Variants in C1orf94 observed in about 807,000 individuals in gnomAD.
The protein encoded by C1orf94 is uncharacterized protein C1orf94.
A neutral mutation model predicts 53.6 loss-of-function variants in C1orf94; 45 were observed. The observed-to-expected ratio is 0.84, with a 90% CI of 0.66 to 1.08. C1orf94 has a LOEUF of 1.08. Among genes scored for constraint, C1orf94 ranks in the 50% least tolerant of loss-of-function variants. The pLI is 0.00. For missense variants in C1orf94, 762 were observed against 738.9 expected, an observed-to-expected ratio of 1.03 and a Z score of -0.36; for synonymous variants, 304 against 296.1, an observed-to-expected ratio of 1.03 and a Z score of -0.27.
At chr1:34,217,251 T>C (rs1434708679) in intron 6 of C1orf94, among the ~76,000 whole-genome samples, 4 of 152,162 alleles carry the variant, frequency 2.6e-5, no homozygotes, top group Non-Finnish European at 5.9e-5. Context: ...CCTGGCCCTC[T>C]AGCGTACATA....
intron 1 of C1orf94, among the ~76,000 whole-genome samples, chr1:34,168,551 C>T (rs1208142569): frequency 1.3e-5 from 2 of 152,092 alleles, no homozygotes; most frequent in African/African-American, 4.8e-5. Context: ...AGGACTGCTG[C>T]CACAACAAAG....
At chr1:34,190,068 A>C (rs1642457927) in intron 1 of C1orf94, among the ~76,000 whole-genome samples, 1 of 152,196 alleles carries the variant, frequency 6.6e-6, no homozygotes, top group African/African-American at 2.4e-5. Context: ...GGTCAATTTG[A>C]GTACATCTTT....
chr1:34,194,113 G>T (rs561288500), intron 1 of C1orf94, among the ~76,000 whole-genome samples: 24 of 152,342 alleles, frequency 1.6e-4, no homozygotes, highest in African/African-American at 5.3e-4. Flanking sequence ...TTTCTTCATT[G>T]TTCTGGATGC....
At chr1:34,200,654 T>C in intron 2 of C1orf94, 118 bp from the exon 3 acceptor site, 2 of 1,380,280 alleles carry the variant, frequency 1.4e-6, no homozygotes, top group Non-Finnish European at 2.0e-6. Flanking sequence ...TCCCCCAAAG[T>C]GGTCCAAGCC....
At position 34,202,404 on chromosome 1, in the gene C1orf94, T is replaced by C. The variant is rs1642726232; in HGVS notation, c.1446+145T>C. The C allele has an allele frequency of 3.5e-6, 3 of 864,512 alleles. No individual in the cohort carries two copies. The African/African-American group carries it at 5.1e-5, about 15-fold the overall frequency. The allele number at this position is 864,512 out of a possible 1,614,324, so 53.6% of individuals were successfully genotyped here. On this transcript the variant is annotated intron_variant, in intron 4 of 6. Transcript: ENST00000488417. ...CATGCAAGAGGCTTCGCTGGGGCTATGGAAGGGCGCTGTCAACTTGTCAGC... is the reference window on the plus strand; with the variant it reads ...CATGCAAGAGGCTTCGCTGGGGCTACGGAAGGGCGCTGTCAACTTGTCAGC...
rs1331066162 is a variant in C1orf94, at chr1:34,176,968, G to A, written c.-822G>A. Reference sequence around the variant, plus strand: ...AATTCCCCCGCTCGACGACGGCGAGGGTGTGGGAGCTACTGGCAGGCAAAT... The same window carrying A: ...AATTCCCCCGCTCGACGACGGCGAGAGTGTGGGAGCTACTGGCAGGCAAAT... On this transcript the variant is annotated 5_prime_UTR_variant, in exon 1 of 7. Transcript: ENST00000488417. Among the ~76,000 whole-genome samples, 2 of 152,174 alleles carry A rather than the reference G, an allele frequency of 1.3e-5. No individual in the cohort carries two copies. Among genetic ancestry groups the A allele is most frequent in the East Asian group, 3.9e-4 (2 of 5,162 alleles).
At chr1:34,209,893 A>G (rs1419070280) in intron 5 of C1orf94, among the ~76,000 whole-genome samples, 1 of 152,214 alleles carries the variant, frequency 6.6e-6, no homozygotes, top group Non-Finnish European at 1.5e-5. Context: ...GTATTTGAAA[A>G]AAGTAATATA....
At chr1:34,187,767 CCA>C (rs71029028) in intron 1 of C1orf94, among the ~76,000 whole-genome samples, 1,219 of 22,788 alleles carry the variant, frequency 0.053, 4 homozygotes, top group East Asian at 0.11. Flanking sequence ...CTGAATCCAC[CCA>C]CCCCCCCCCC....
intron 1 of C1orf94, among the ~76,000 whole-genome samples, chr1:34,188,509 C>G (rs969049561): frequency 6.6e-6 from 1 of 152,052 alleles, no homozygotes; most frequent in Non-Finnish European, 1.5e-5. Context: ...ATGAAGAGAC[C>G]GAGGTCTCCG....
At chr1:34,168,316 A>C (rs1284971040) in intron 1 of C1orf94, among the ~76,000 whole-genome samples, 1 of 152,148 alleles carries the variant, frequency 6.6e-6, no homozygotes, top group Non-Finnish European at 1.5e-5. Context: ...TAATAATAGA[A>C]TTAAGCAAGG....
chr1:34,195,769 T>C (rs1642568380), intron 1 of C1orf94, among the ~76,000 whole-genome samples: 1 of 148,576 alleles, frequency 6.7e-6, no homozygotes, highest in Non-Finnish European at 1.5e-5. Context: ...CCTGCCTGTT[T>C]CTGTTCGTGG....
rs772295252 is a variant in C1orf94, at chr1:34,218,790, G to A, written c.*29G>A. 5 of 1,593,754 alleles carry A rather than the reference G, an allele frequency of 3.1e-6. No individual in the cohort carries two copies. Among genetic ancestry groups the A allele is most frequent in the Non-Finnish European group, 4.3e-6 (5 of 1,164,484 alleles). ...TCCTCTTCTCCCTTCTCCTCCCTTA[G>A]CCCTTGGATCAGGACTAGGGGCTCT... On this transcript the variant is annotated 3_prime_UTR_variant, in exon 7 of 7. Coordinates refer to ENST00000488417, the MANE Select transcript of C1orf94 (RefSeq NM_001134734.2).
intron 1 of C1orf94, among the ~76,000 whole-genome samples, chr1:34,185,094 C>A (rs1642365228): frequency 2.0e-5 from 3 of 152,150 alleles, no homozygotes; most frequent in Non-Finnish European, 2.9e-5. Flanking sequence ...TTTCAGAGAC[C>A]CCGTGGGCCA....
chr1:34,218,710 C>G lies in C1orf94; in HGVS notation c.1746C>G (p.Pro582=). 1.9e-6 allele frequency: 3 copies of G among 1,612,692 alleles called. No individual in the cohort carries two copies. The highest frequency in any genetic ancestry group is 2.5e-6 in the Non-Finnish European group (3 of 1,179,070). ...GYGFGSTSGG[P]LMHSPYFSSS... ...GGTTCGGCTCGACATCCGGAGGGCC[C>G]TTGATGCACAGCCCCTATTTTTCTT... Residue 582 remains proline (P), a synonymous_variant, in exon 7 of 7, where the codon CCC becomes CCG. Coordinates refer to ENST00000488417, the MANE Select transcript of C1orf94 (RefSeq NM_001134734.2).
upstream of C1orf94, among the ~76,000 whole-genome samples, chr1:34,173,864 C>T (rs556240781): frequency 2.6e-5 from 4 of 152,310 alleles, no homozygotes; most frequent in African/African-American, 9.6e-5. Flanking sequence ...AAGACAGAGA[C>T]CAAACTCCTC....
chr1:34,212,733 G>C (rs938135010), intron 6 of C1orf94, among the ~76,000 whole-genome samples: 1 of 152,152 alleles, frequency 6.6e-6, no homozygotes, highest in Non-Finnish European at 1.5e-5. Flanking sequence ...TTACCCATGT[G>C]CTTGGTTACA....
chr1:34,195,931 G>C (rs1642572072), intron 1 of C1orf94, among the ~76,000 whole-genome samples: 1 of 152,176 alleles, frequency 6.6e-6, no homozygotes, highest in South Asian at 2.1e-4. Flanking sequence ...ACCTGTGCTG[G>C]ACCTCCAGAC....
At chr1:34,206,439 G>A (rs780947917) in intron 4 of C1orf94, among the ~76,000 whole-genome samples, 8 of 152,232 alleles carry the variant, frequency 5.3e-5, no homozygotes, top group African/African-American at 1.7e-4. Context: ...CCCTCTAAGA[G>A]GGTACGATGA....
chr1:34,204,104 C>T (rs1363943665), intron 4 of C1orf94, among the ~76,000 whole-genome samples: 2 of 152,224 alleles, frequency 1.3e-5, no homozygotes, highest in Non-Finnish European at 2.9e-5. Context: ...GAAGGAAATA[C>T]TTCCAACTCG....
Sources: allele counts gnomAD v4.1 joint callset (sites outside exome capture counted in the v4.1 genomes callset), GRCh38; gene constraint gnomAD v4.1.1; transcripts MANE v1.5; gene names NCBI Gene and HGNC (gene_info 2026-07-23, HGNC 2026-07-21).